The following ZNF536 variants were observed in gnomAD, a reference collection of about 807,000 sequenced individuals.
The protein encoded by ZNF536 is zinc finger protein 536.
Under a neutral mutation model 84.5 loss-of-function variants are expected in ZNF536, and 13 were observed. The ratio of observed to expected loss-of-function variants is 0.15; its 90% CI spans 0.10 to 0.24. The LOEUF is 0.24. ZNF536 is among the 10% of genes least tolerant of loss of function. The pLI is 1.00. For synonymous variants in ZNF536, 811 were observed against 742.5 expected (o/e 1.09, Z -1.50); for missense variants, 1,536 against 1,747.5 (o/e 0.88, Z 2.16).
At chr19:30,412,277 A>G (rs754575049) in intron 1 of ZNF536, among the ~76,000 whole-genome samples, 5 of 151,932 alleles carry the variant, frequency 3.3e-5, no homozygotes, top group Non-Finnish European at 7.4e-5. Context: ...GACTTCCAGG[A>G]CAGAGTGTCT....
intron 2 of ZNF536, among the ~76,000 whole-genome samples, chr19:30,312,202 G>A (rs1401497895): frequency 3.3e-5 from 5 of 152,200 alleles, no homozygotes; most frequent in Non-Finnish European, 7.3e-5. Context: ...CGGTGCATGA[G>A]AGAAGATGAG....
intron 1 of ZNF536, among the ~76,000 whole-genome samples, chr19:30,386,384 C>T (rs2049342831): frequency 6.6e-6 from 1 of 152,128 alleles, no homozygotes; most frequent in South Asian, 2.1e-4. Context: ...CTGTCTCTTA[C>T]CTCCTTTTTT....
At chr19:30,493,699 T>C (rs2054601819) in intron 2 of ZNF536, among the ~76,000 whole-genome samples, 1 of 151,692 alleles carries the variant, frequency 6.6e-6, no homozygotes, top group South Asian at 2.1e-4. Flanking sequence ...ACAGAAGTCT[T>C]GAGTGCTTTG....
At chr19:30,479,248 A>G (rs1005758730) in intron 2 of ZNF536, among the ~76,000 whole-genome samples, 7 of 152,126 alleles carry the variant, frequency 4.6e-5, no homozygotes, top group Non-Finnish European at 7.3e-5. Context: ...CATTTTCAGT[A>G]TACAGTTTCC....
intron 1 of ZNF536, among the ~76,000 whole-genome samples, chr19:30,574,945 T>C (rs1301188693): frequency 6.6e-6 from 1 of 152,160 alleles, no homozygotes; most frequent in Non-Finnish European, 1.5e-5. Flanking sequence ...CATCGGAAAG[T>C]GATGGCAGGA....
In ZNF536 at chr19:30,707,328, A is replaced by T. The variant is rs148370491; in HGVS notation, c.170-3429A>T. Among the ~76,000 whole-genome samples, 7 of 152,236 alleles carry T rather than the reference A, an allele frequency of 4.6e-5. No individual in the cohort carries two copies. The East Asian group carries it at 1.4e-3, about 29-fold the overall frequency. On this transcript the variant is annotated intron_variant, in intron 1 of 1. Coordinates refer to the ZNF536 transcript ENST00000592773. ...AACTCCCAGGTCATGAAGAACAGGG[A>T]CCATTTGCATTTTTTTGTATAATCG...
rs538189229 is a variant in ZNF536, at chr19:30,416,105, G to A, written c.-2-27456G>A. 7.9e-5 allele frequency among the ~76,000 whole-genome samples: 12 copies of A among 152,260 alleles called. 1 individual carries two copies. The highest frequency in any genetic ancestry group is 3.4e-3 in the Middle Eastern group (1 of 294). On this transcript the variant is annotated intron_variant, in intron 1 of 4. Transcript: ENST00000355537. ...TGGGACCATGTCTATTCAGCTTTTA[G>A]ATCTTCAACAGGGATTTAAAGAAAA...
At chr19:30,312,416 C>T (rs75789094) in intron 2 of ZNF536, among the ~76,000 whole-genome samples, 1,997 of 152,240 alleles carry the variant, frequency 0.013, 44 homozygotes, top group African/African-American at 0.046. Context: ...CTGGCCCGAG[C>T]GCACAGAGCT....
intron 1 of ZNF536, among the ~76,000 whole-genome samples, chr19:30,232,685 C>G (rs1234116505): frequency 6.6e-6 from 1 of 152,150 alleles, no homozygotes; most frequent in Non-Finnish European, 1.5e-5. Context: ...TGAGCTTGCT[C>G]GAGGTGGGGT....
At chr19:30,327,260 G>T (rs80167258) in intron 2 of ZNF536, among the ~76,000 whole-genome samples, 1 of 152,018 alleles carries the variant, frequency 6.6e-6, no homozygotes, top group African/African-American at 2.4e-5. Flanking sequence ...ATATTTCCTC[G>T]GGCTTGGGGT....
chr19:30,582,911 A>AAGATG (rs1568574620), intron 1 of ZNF536, among the ~76,000 whole-genome samples: 1 of 152,182 alleles, frequency 6.6e-6, no homozygotes, highest in African/African-American at 2.4e-5. Context: ...GCTACAATTC[A>AAGATG]AGATGAGATT....
chr19:30,517,060 G>A (rs1283369609), intron 2 of ZNF536, among the ~76,000 whole-genome samples: 3 of 152,100 alleles, frequency 2.0e-5, no homozygotes, highest in Non-Finnish European at 4.4e-5. Context: ...CTTTCCCTCT[G>A]ATCACTGCCC....
intron 1 of ZNF536, chr19:30,436,581 A>G (rs1027170277): frequency 7.0e-6 from 6 of 853,364 alleles, no homozygotes; most frequent in African/African-American, 3.7e-5. Flanking sequence ...AATGACCCTG[A>G]AAAGGTTCAG....
chr19:30,632,909 T>TTG (rs1244369226), intron 1 of ZNF536, among the ~76,000 whole-genome samples: 1 of 152,194 alleles, frequency 6.6e-6, no homozygotes, highest in Non-Finnish European at 1.5e-5. Context: ...GAAGATTGAA[T>TTG]TCATGGGTAT....
intron 1 of ZNF536, among the ~76,000 whole-genome samples, chr19:30,574,451 G>T: frequency 6.6e-6 from 1 of 152,226 alleles, no homozygotes; most frequent in East Asian, 1.9e-4. Context: ...CTTGTGGGTG[G>T]CCCCCATTAG....
At chr19:30,353,335 A>G (rs1236822252) in intron 3 of ZNF536, among the ~76,000 whole-genome samples, 2 of 152,094 alleles carry the variant, frequency 1.3e-5, no homozygotes, top group Non-Finnish European at 2.9e-5. Flanking sequence ...CTCGTGTAAT[A>G]TCGTAGGAGA....
upstream of ZNF536, among the ~76,000 whole-genome samples, chr19:30,371,781 G>A (rs1428361801): frequency 6.7e-6 from 1 of 150,220 alleles, no homozygotes; most frequent in Non-Finnish European, 1.5e-5. Context: ...TGCATTATAT[G>A]TTTAAATGCA....
chr19:30,629,763 C>T lies in ZNF536; in HGVS notation c.169+80249C>T, dbSNP rs562844425. ...CTCTGCTCCTCTGGCTCCCCTATGC[C>T]GTTTGTCAACCAGTGCATCCACATT... On this transcript the variant is annotated intron_variant, in intron 1 of 1. Transcript: ENST00000592773. Among the ~76,000 whole-genome samples, 10 of 152,228 alleles carry T rather than the reference C, an allele frequency of 6.6e-5. 2 individuals are homozygous for T. The South Asian group carries it at 8.3e-4, about 13-fold the overall frequency.
intron 1 of ZNF536, among the ~76,000 whole-genome samples, chr19:30,282,712 C>A (rs977626331): frequency 2.0e-5 from 3 of 151,944 alleles, no homozygotes; most frequent in Non-Finnish European, 4.4e-5. Context: ...TAGGACAGAA[C>A]TTTGGAAAGT....
Sources: gnomAD v4.1 joint callset for allele counts (sites outside exome capture counted in the v4.1 genomes callset) on GRCh38, gnomAD v4.1.1 for gene constraint, MANE v1.5 for transcripts, NCBI Gene and HGNC (gene_info 2026-07-23, HGNC 2026-07-21) for gene names.